RAD21: variants seen among roughly 807,000 people sequenced by gnomAD.
RAD21 encodes double-strand-break repair protein rad21 homolog.
In RAD21, 18 loss-of-function variants were observed where a neutral mutation model predicts 71.5. The ratio of observed to expected loss-of-function variants is 0.25; its 90% CI spans 0.17 to 0.37. The LOEUF is 0.37. RAD21 is among the 10% of genes least tolerant of loss of function. RAD21 has a pLI of 1.00. For synonymous variants in RAD21, 248 were observed against 254.0 expected, an observed-to-expected ratio of 0.98 and a Z score of 0.22; for missense variants, 493 against 769.1, an observed-to-expected ratio of 0.64 and a Z score of 4.25.
chr8:116,846,629 T>C lies in RAD21; in HGVS notation c.*871A>G, dbSNP rs969013099. 8.8e-6 allele frequency: 2 copies of C among 227,224 alleles called. No individual in the cohort carries two copies. Among genetic ancestry groups the C allele is most frequent in the Non-Finnish European group, 1.8e-5 (2 of 114,020 alleles). The allele number at this position is 227,224 out of a possible 1,614,324, so 14.1% of individuals were successfully genotyped here. A position where few individuals can be genotyped will look rare whatever the true frequency, so the allele number is the denominator to read the frequency against. On this transcript the variant is annotated 3_prime_UTR_variant, in exon 14 of 14. Coordinates refer to ENST00000297338, the MANE Select transcript of RAD21 (RefSeq NM_006265.3). ...AAGCTAAGTTGACCAGGTGCATAAT[T>C]TCCCATCAGTCTGTCCTTGTAGTAG...
chr8:116,871,719 C>A (rs939940478), intron 1 of RAD21, among the ~76,000 whole-genome samples: 1 of 152,158 alleles, frequency 6.6e-6, no homozygotes, highest in Non-Finnish European at 1.5e-5. Context: ...ACGAAAAAAT[C>A]CTAAGAAAAC....
At chr8:116,857,906 G>A (rs1812504069) in intron 5 of RAD21, among the ~76,000 whole-genome samples, 1 of 152,184 alleles carries the variant, frequency 6.6e-6, no homozygotes, top group African/African-American at 2.4e-5. Flanking sequence ...CCAAGAGTTC[G>A]AGGCTGTAGT....
At chr8:116,855,727 T>C (rs1404940681) in intron 8 of RAD21, among the ~76,000 whole-genome samples, 1 of 151,942 alleles carries the variant, frequency 6.6e-6, no homozygotes, top group Non-Finnish European at 1.5e-5. Context: ...TTAAAAAGAA[T>C]ACTTTTAGTT....
In RAD21 at chr8:116,870,666, C is replaced by T. The variant is rs573727922; in HGVS notation, c.-32-3905G>A. ...AGCAGCATGTTCTGAGAAATATAAT[C>T]GCTGTTGTACAGGACAAGCCCCAAG... On this transcript the variant is annotated intron_variant, in intron 1 of 13. Transcript: ENST00000297338. 1.2e-4 allele frequency among the ~76,000 whole-genome samples: 19 copies of T among 152,212 alleles called. No individual in the cohort carries two copies. In the South Asian group the frequency reaches 3.3e-3, roughly 27 times the overall value.
intron 13 of RAD21, 33 bp from the exon 14 acceptor site, chr8:116,847,724 T>G (rs1033496600): frequency 1.3e-6 from 2 of 1,563,418 alleles, no homozygotes; most frequent in Non-Finnish European, 1.7e-6. Context: ...TAACTTAATC[T>G]GTATAATAAA....
chr8:116,849,085 T>A (rs1220934185), intron 12 of RAD21, 56 bp from the exon 13 acceptor site: 2 of 1,294,144 alleles, frequency 1.5e-6, no homozygotes, highest in Non-Finnish European at 2.1e-6. Flanking sequence ...AAAAATGAAG[T>A]ATTTCTACAT....
At chr8:116,868,547 T>C (rs1470189034) in intron 1 of RAD21, among the ~76,000 whole-genome samples, 1 of 152,152 alleles carries the variant, frequency 6.6e-6, no homozygotes, top group African/African-American at 2.4e-5. Flanking sequence ...GTTAAGTATA[T>C]GTTTAGTTTT....
At chr8:116,874,187 C>G (rs1478036809) in intron 1 of RAD21, 2 of 152,218 alleles carry the variant, frequency 1.3e-5, no homozygotes, top group Non-Finnish European at 2.9e-5. Flanking sequence ...ACCGCCTCCT[C>G]CCAGACAGCC....
rs1812264226 is a variant in RAD21 at position 116,847,050 on chromosome 8, A to G, written c.*450T>C. ...GGTTAACAGGAAGATTGCCAGTGTT[A>G]CTGATGGAAAGAAGTGTTTGTTTGT... On this transcript the variant is annotated 3_prime_UTR_variant, in exon 14 of 14. Transcript: ENST00000297338. 4.5e-6 allele frequency: 1 copy of G among 223,894 alleles called. No homozygotes were observed. 13.9% of individuals were successfully genotyped at this position (223,894 alleles called of 1,614,324 possible).
intron 9 of RAD21, among the ~76,000 whole-genome samples, chr8:116,853,963 C>T (rs558900957): frequency 5.3e-5 from 8 of 152,214 alleles, no homozygotes; most frequent in East Asian, 3.9e-4. Flanking sequence ...CACACTAAGA[C>T]GATATAACTA....
chr8:116,870,253 G>A (rs182088827), intron 1 of RAD21, among the ~76,000 whole-genome samples: 23 of 152,288 alleles, frequency 1.5e-4, no homozygotes, highest in African/African-American at 5.5e-4. Flanking sequence ...TTGGCTAGCG[G>A]TGGTGGCTCA....
At chr8:116,865,230 T>A (rs1414779897) in intron 2 of RAD21, among the ~76,000 whole-genome samples, 1 of 152,128 alleles carries the variant, frequency 6.6e-6, no homozygotes, top group African/African-American at 2.4e-5. Flanking sequence ...TTCGTGTATA[T>A]GTTCAATTAT....
Position 116,857,412 on chromosome 8 carries a change from G to A in RAD21, c.543C>T (p.Asp181=), listed in dbSNP as rs1812491990. 2 of 1,613,394 alleles carry A rather than the reference G, an allele frequency of 1.2e-6. No homozygotes were observed. Among genetic ancestry groups the A allele is most frequent in the Non-Finnish European group, 1.7e-6 (2 of 1,179,718 alleles). ...TAGAAGTAGTAGTGCTTACTAACAT[G>A]TCGTCATCCTCAAAAGCACTGCCTT... is the stretch of plus-strand genomic sequence containing the variant. ...MREGSAFEDD[D]MLVSTTTSNL... Residue 181 remains aspartate, a synonymous_variant, in exon 6 of 14, where the codon GAC becomes GAT. Transcript: ENST00000297338.
intron 10 of RAD21, 195 bp downstream of exon 10, chr8:116,852,354 G>GT: frequency 1.5e-6 from 1 of 687,796 alleles, no homozygotes; most frequent in South Asian, 2.5e-5. Flanking sequence ...TACCCTGCCA[G>GT]TTCTGAACCT....
intron 10 of RAD21, 34 bp downstream of exon 10, chr8:116,852,515 A>G: frequency 6.4e-7 from 1 of 1,556,308 alleles, no homozygotes; most frequent in Non-Finnish European, 8.7e-7. Flanking sequence ...TACTCATGTG[A>G]ACTTCATCAA....
chr8:116,872,202 T>G (rs959261573), intron 1 of RAD21, among the ~76,000 whole-genome samples: 1 of 152,182 alleles, frequency 6.6e-6, no homozygotes, highest in Admixed American at 6.5e-5. Flanking sequence ...TGTTAGTAGG[T>G]TATATGCAAA....
rs1812307549 is a variant in RAD21, at chr8:116,849,385, A to T, written c.1621-356T>A. On this transcript the variant is annotated intron_variant, in intron 12 of 13. Coordinates refer to ENST00000297338, the MANE Select transcript of RAD21 (RefSeq NM_006265.3). ...TTAAAGAACTTCAGGATATAAATCA[A>T]CTGTACCACTAAATATACTGTTTAT... is the stretch of plus-strand genomic sequence containing the variant. 9.1e-6 allele frequency: 2 copies of T among 219,412 alleles called. 1 individual carries two copies. The highest frequency in any genetic ancestry group is 1.9e-4 in the East Asian group (2 of 10,450). 13.6% of individuals were successfully genotyped at this position (219,412 alleles called of 1,614,324 possible). A position where few individuals can be genotyped will look rare whatever the true frequency, so the allele number is the denominator to read the frequency against.
intron 1 of RAD21, among the ~76,000 whole-genome samples, chr8:116,870,812 T>C (rs1481468919): frequency 1.3e-5 from 2 of 152,190 alleles, no homozygotes; most frequent in African/African-American, 4.8e-5. Flanking sequence ...GTAAGTAAGA[T>C]CCACCAAGTG....
At chr8:116,858,049 G>A (rs1347028563) in intron 5 of RAD21, among the ~76,000 whole-genome samples, 1 of 152,134 alleles carries the variant, frequency 6.6e-6, no homozygotes, top group African/African-American at 2.4e-5. Flanking sequence ...AGTATAACAG[G>A]GAAACTAACT....
Sources: gnomAD v4.1 joint callset for allele counts (sites outside exome capture counted in the v4.1 genomes callset) on GRCh38, gnomAD v4.1.1 for gene constraint, MANE v1.5 for transcripts, NCBI Gene and HGNC (gene_info 2026-07-23, HGNC 2026-07-21) for gene names.